FAM83B: variants seen among roughly 807,000 people sequenced by gnomAD.
The protein encoded by FAM83B is scaffolding CK1 anchoring protein B, also known as protein FAM83B.
FAM83B carries 26 observed loss-of-function variants against 38.8 expected under a neutral mutation model. The ratio of observed to expected loss-of-function variants is 0.67; its 90% CI spans 0.49 to 0.93. The LOEUF (loss-of-function observed/expected upper bound fraction) is 0.93, where lower values mean the gene tolerates loss of function less well. FAM83B is among the 40% of genes least tolerant of loss of function. The pLI is 0.00. For synonymous variants in FAM83B, 419 were observed against 423.1 expected, an observed-to-expected ratio of 0.99 and a Z score of 0.12; for missense variants, 1,237 against 1,197.3, an observed-to-expected ratio of 1.03 and a Z score of -0.49.
chr6:54,926,292 C>T, intron 2 of FAM83B, 79 bp from the exon 3 acceptor site: 2 of 867,902 alleles, frequency 2.3e-6, no homozygotes, highest in Non-Finnish European at 3.5e-6. Context: ...TTTTATCTGA[C>T]CTTTACTGAA....
At position 54,940,809 on chromosome 6, in the gene FAM83B, C is replaced by G. The variant is rs770608044; in HGVS notation, c.1838C>G (p.Thr613Ser). Residue 613 changes from threonine (T) to serine (S), a missense_variant, in exon 5 of 5, where the codon ACC (threonine) becomes AGC (serine). Thr to Ser is a moderately conservative substitution (Grantham distance 58). Transcript: ENST00000306858. ...CAGTCAGAGGCACCAAAAATGCACA[C>G]CTTGCAGGTTCCTGAAAACCACTCA... is the stretch of plus-strand genomic sequence containing the variant. The part of the protein sequence containing the change: ...PLQSEAPKMH[T>S]LQVPENHSVA... The G allele has an allele frequency of 4.3e-6, 7 of 1,614,050 alleles. No individual in the cohort carries two copies. Among genetic ancestry groups the G allele is most frequent in the Non-Finnish European group, 5.1e-6 (6 of 1,180,014 alleles).
chr6:54,866,543 TG>T (rs1459192148), intron 1 of FAM83B, among the ~76,000 whole-genome samples: 4 of 152,136 alleles, frequency 2.6e-5, no homozygotes, highest in Non-Finnish European at 5.9e-5. Flanking sequence ...ATGTAAACTT[TG>T]GAGATTGGTG....
intron 2 of FAM83B, among the ~76,000 whole-genome samples, chr6:54,885,917 T>G (rs1446501884): frequency 6.6e-6 from 1 of 151,888 alleles, no homozygotes; most frequent in East Asian, 1.9e-4. Flanking sequence ...TGTATACATA[T>G]GTAACAAACC....
chr6:54,856,077 T>C (rs957388678), intron 1 of FAM83B, among the ~76,000 whole-genome samples: 1 of 152,178 alleles, frequency 6.6e-6, no homozygotes, highest in Non-Finnish European at 1.5e-5. Context: ...TAGCAATTGC[T>C]AAATAATGGC....
At position 54,941,162 on chromosome 6, in the gene FAM83B, A is replaced by T; in HGVS notation, c.2191A>T (p.Ser731Cys). The T allele has an allele frequency of 6.2e-7, 1 of 1,614,096 alleles. No homozygotes were observed. Among genetic ancestry groups the T allele is most frequent in the Non-Finnish European group, 8.5e-7 (1 of 1,180,002 alleles). Residue 731 changes from serine (S) to cysteine (C), a missense_variant, in exon 5 of 5, where the codon AGT becomes TGT. Physicochemically the swap from Ser to Cys is moderately radical, Grantham distance 112 (BLOSUM62 -1). Transcript: ENST00000306858. ...GGAAGTTACCAAGAGAAACTCTCCA[A>T]GTGGCACTACTACCAAATCAGTTTC... ...EEEVTKRNSPSGTTTKSVSIA... is the reference protein window; with the variant it reads ...EEEVTKRNSPCGTTTKSVSIA...
intron 2 of FAM83B, among the ~76,000 whole-genome samples, chr6:54,872,041 G>A (rs1771868879): frequency 6.6e-6 from 1 of 152,090 alleles, no homozygotes; most frequent in South Asian, 2.1e-4. Flanking sequence ...ACAGTGTTCT[G>A]AAGCTAATGT....
intron 2 of FAM83B, among the ~76,000 whole-genome samples, chr6:54,900,229 C>T (rs954422869): frequency 6.6e-6 from 1 of 152,096 alleles, no homozygotes; most frequent in Non-Finnish European, 1.5e-5. Flanking sequence ...GAACAAAGAA[C>T]CAATCTATTT....
intron 1 of FAM83B, among the ~76,000 whole-genome samples, chr6:54,849,070 T>C (rs1013438964): frequency 1.3e-5 from 2 of 152,358 alleles, no homozygotes; most frequent in Middle Eastern, 3.4e-3. Context: ...AGAATTTTGT[T>C]GTTGAATTTA....
At chr6:54,927,135 C>T (rs757033548) in intron 3 of FAM83B, among the ~76,000 whole-genome samples, 3 of 152,112 alleles carry the variant, frequency 2.0e-5, no homozygotes, top group Non-Finnish European at 4.4e-5. Context: ...TATGGTTCAG[C>T]ATGTATTGCT....
At chr6:54,897,425 T>C (rs1267516334) in intron 2 of FAM83B, among the ~76,000 whole-genome samples, 2 of 152,198 alleles carry the variant, frequency 1.3e-5, no homozygotes, top group African/African-American at 4.8e-5. Context: ...CATTTACTTA[T>C]ATATCATTTT....
At chr6:54,897,767 T>A (rs2127581633) in intron 2 of FAM83B, among the ~76,000 whole-genome samples, 1 of 152,340 alleles carries the variant, frequency 6.6e-6, no homozygotes, top group African/African-American at 2.4e-5. Flanking sequence ...CCATCAGTAA[T>A]GCTTTTGGCA....
At chr6:54,860,076 T>C (rs1771541183) in intron 1 of FAM83B, among the ~76,000 whole-genome samples, 1 of 152,014 alleles carries the variant, frequency 6.6e-6, no homozygotes, top group African/African-American at 2.4e-5. Flanking sequence ...TGTGTTTTCC[T>C]TTTGTTTTTG....
chr6:54,927,283 G>GATGCT (rs913116715), intron 3 of FAM83B, among the ~76,000 whole-genome samples: 46 of 152,142 alleles, frequency 3.0e-4, no homozygotes, highest in African/African-American at 1.1e-3. Context: ...AGTGATCTTT[G>GATGCT]ATGCTATTCT....
chr6:54,852,909 T>C (rs567243155), intron 1 of FAM83B, among the ~76,000 whole-genome samples: 40 of 151,166 alleles, frequency 2.6e-4, no homozygotes, highest in African/African-American at 9.1e-4. Context: ...TTGTGAACTT[T>C]CCTAAAAGAT....
chr6:54,888,259 T>TCC (rs913957606), intron 2 of FAM83B, among the ~76,000 whole-genome samples: 10 of 146,138 alleles, frequency 6.8e-5, no homozygotes, highest in African/African-American at 2.5e-4. Context: ...ATGTTTTATT[T>TCC]CCAAAATATT....
upstream of FAM83B, chr6:54,846,748 G>A (rs1771143958): frequency 6.6e-6 from 1 of 152,292 alleles, no homozygotes; most frequent in South Asian, 2.1e-4. Flanking sequence ...CCGCGCCCAG[G>A]CGCTTGCTGC....
Position 54,870,397 on chromosome 6 carries a change from C to G in FAM83B, c.151C>G (p.Arg51Gly). The part of the protein sequence containing the change: ...EAYQEFLVQE[R>G]VSDFLAEEEI... ...ATACCAAGAATTTCTTGTCCAGGAA[C>G]GAGTTTCAGACTTTCTTGCTGAGGA... The change falls in exon 2 of 5, where the codon CGA (arginine) becomes GGA (glycine). Residue 51 changes from arginine to glycine, a missense_variant. Physicochemically the swap from Arg to Gly is moderately radical, Grantham distance 125. Coordinates refer to ENST00000306858, the MANE Select transcript of FAM83B (RefSeq NM_001010872.3). 6.2e-7 allele frequency: 1 copy of G among 1,613,976 alleles called. No homozygotes were observed. The highest frequency in any genetic ancestry group is 1.7e-5 in the Admixed American group (1 of 60,000).
At position 54,883,396 on chromosome 6, in the gene FAM83B, G is replaced by A. The variant is rs1772184897; in HGVS notation, c.444+12706G>A. Among the ~76,000 whole-genome samples the A allele has an allele frequency of 2.7e-5, 4 of 146,910 alleles. No individual in the cohort carries two copies. The South Asian group carries it at 6.5e-4, about 24-fold the overall frequency. On this transcript the variant is annotated intron_variant, in intron 2 of 4. Transcript: ENST00000306858. ...GTTGCCCAGGCTGGAGTGCAATGGG[G>A]CAATCTTGGCTCAACGCAACCTCCG... is the stretch of plus-strand genomic sequence containing the variant.
intron 2 of FAM83B, among the ~76,000 whole-genome samples, chr6:54,908,860 G>A (rs1561921781): frequency 6.6e-6 from 1 of 152,142 alleles, no homozygotes; most frequent in African/African-American, 2.4e-5. Context: ...ATACCCATTT[G>A]TCCTTGATTT....
Sources: gnomAD v4.1 joint callset for allele counts (sites outside exome capture counted in the v4.1 genomes callset) on GRCh38, gnomAD v4.1.1 for gene constraint, MANE v1.5 for transcripts, NCBI Gene and HGNC (gene_info 2026-07-23, HGNC 2026-07-21) for gene names.